The following CDC14A variants were observed in gnomAD, a reference collection of about 807,000 sequenced individuals.
CDC14A encodes the protein cell division cycle 14A, also known as dual specificity protein phosphatase CDC14A.
A neutral mutation model predicts 74.4 loss-of-function variants in CDC14A; 53 were observed. The observed-to-expected ratio is 0.71, with a 90% CI of 0.57 to 0.89. The LOEUF is 0.89. Ranked by LOEUF, CDC14A falls within the 40% of genes least tolerant of loss-of-function variation. CDC14A has a pLI of 0.00. For missense variants in CDC14A, 646 were observed against 713.7 expected (o/e 0.91, Z 1.08); for synonymous variants, 247 against 258.4 (o/e 0.96, Z 0.43).
Position 100,457,694 on chromosome 1 carries a change from G to A in CDC14A, c.607+2202G>A, listed in dbSNP as rs1666863751. Among the ~76,000 whole-genome samples, 3 of 149,902 alleles carry A rather than the reference G, an allele frequency of 2.0e-5. No homozygotes were observed. The South Asian group carries it at 6.4e-4, about 32-fold the overall frequency. ...ATGTTGCCCGGGCTGGTCTTGAACT[G>A]CTGGGCTCATGTGATCCTCCTGCCT... On this transcript the variant is annotated intron_variant, in intron 8 of 15. Coordinates refer to ENST00000336454, the MANE Select transcript of CDC14A (RefSeq NM_003672.4).
intron 4 of CDC14A, among the ~76,000 whole-genome samples, chr1:100,412,928 A>C (rs562593515): frequency 6.6e-6 from 1 of 150,582 alleles, no homozygotes; most frequent in Non-Finnish European, 1.5e-5. Context: ...ACATTTAAGA[A>C]CGATTAATTC....
chr1:100,351,481 A>T (rs1384887244), upstream of CDC14A, among the ~76,000 whole-genome samples: 2 of 152,228 alleles, frequency 1.3e-5, no homozygotes, highest in Non-Finnish European at 2.9e-5. Context: ...TTGTTCAAAC[A>T]GTACGTAGAG....
chr1:100,462,667 C>T lies in CDC14A; in HGVS notation c.624C>T (p.Ala208=), dbSNP rs1171530477. The change falls in exon 9 of 16, where the codon GCC becomes GCT. Residue 208 remains alanine, a synonymous_variant. Coordinates refer to ENST00000336454, the MANE Select transcript of CDC14A (RefSeq NM_003672.4). ...SKIENGYPLH[A]PEAYFPYFKK... The stretch of plus-strand genomic sequence containing the variant: ...TTCCTTTAGGTTATCCTCTTCACGC[C>T]CCTGAAGCCTACTTTCCTTATTTCA... The T allele has an allele frequency of 5.0e-6, 8 of 1,613,946 alleles. No individual in the cohort carries two copies.
At chr1:100,477,289 A>G (rs1225298033) in intron 10 of CDC14A, among the ~76,000 whole-genome samples, 1 of 152,154 alleles carries the variant, frequency 6.6e-6, no homozygotes, top group Non-Finnish European at 1.5e-5. Context: ...TATGTACAGC[A>G]GGAGATGCAG....
At chr1:100,391,755 G>A (rs1296942303) in intron 4 of CDC14A, among the ~76,000 whole-genome samples, 1 of 152,208 alleles carries the variant, frequency 6.6e-6, no homozygotes, top group Non-Finnish European at 1.5e-5. Context: ...AGGGGAAAAA[G>A]CCCAGCAGTA....
chr1:100,491,920 A>C, intron 11 of CDC14A, among the ~76,000 whole-genome samples: 1 of 142,924 alleles, frequency 7.0e-6, no homozygotes, highest in South Asian at 2.2e-4. Flanking sequence ...GGTCGTCACC[A>C]CCGCAGCCAC....
intron 2 of CDC14A, among the ~76,000 whole-genome samples, chr1:100,359,735 T>A (rs1340294232): frequency 1.3e-5 from 2 of 152,016 alleles, no homozygotes; most frequent in Non-Finnish European, 2.9e-5. Flanking sequence ...GATAACTGCT[T>A]TTGTAGGCTG....
chr1:100,436,511 G>C (rs1664360178), intron 5 of CDC14A, among the ~76,000 whole-genome samples: 1 of 151,742 alleles, frequency 6.6e-6, no homozygotes, highest in Non-Finnish European at 1.5e-5. Context: ...TGCAACCTCT[G>C]CCTCCCGGGT....
At position 100,437,228 on chromosome 1, in the gene CDC14A, T is replaced by G. The variant is rs866663766; in HGVS notation, c.390-2704T>G. 4.8e-4 allele frequency among the ~76,000 whole-genome samples: 73 copies of G among 152,152 alleles called. 1 individual carries two copies. Among genetic ancestry groups the G allele is most frequent in the African/African-American group, 1.6e-3 (67 of 41,426 alleles). ...CTTTTAGTGGGGTTCGGTAGATGCA[T>G]GGGTTCAATCTTCCATCTTTATCTT... On this transcript the variant is annotated intron_variant, in intron 5 of 15. Transcript: ENST00000336454.
At chr1:100,517,643 G>T in intron 15 of CDC14A, among the ~76,000 whole-genome samples, 1 of 152,136 alleles carries the variant, frequency 6.6e-6, no homozygotes, top group South Asian at 2.1e-4. Context: ...CTTGAAAATT[G>T]CCTATTGTTT....
chr1:100,459,653 T>C (rs111815186), intron 8 of CDC14A, among the ~76,000 whole-genome samples: 18 of 152,310 alleles, frequency 1.2e-4, no homozygotes, highest in African/African-American at 4.3e-4. Flanking sequence ...CGTGTTCATG[T>C]GTTTGGTCAG....
intron 15 of CDC14A, among the ~76,000 whole-genome samples, chr1:100,512,618 G>A (rs547284790): frequency 7.0e-4 from 106 of 152,150 alleles, no homozygotes; most frequent in Non-Finnish European, 1.3e-3. Flanking sequence ...TCTAACAATT[G>A]AGCTCTTTGT....
rs1034876948 is a variant in CDC14A at position 100,518,339 on chromosome 1, G to C, written c.*59G>C. The C allele has an allele frequency of 2.9e-6, 4 of 1,385,166 alleles. No individual in the cohort carries two copies. Among genetic ancestry groups the C allele is most frequent in the Non-Finnish European group, 4.1e-6 (4 of 973,666 alleles). The allele number at this position is 1,385,166 out of a possible 1,614,324, so 85.8% of individuals were successfully genotyped here. On this transcript the variant is annotated 3_prime_UTR_variant, in exon 16 of 16. Transcript: ENST00000336454. ...TTAGACACAATTTCTTCATCTGGAC[G>C]AGCAGTGGAGAGGGAAAGCAACTTC...
chr1:100,434,170 C>T (rs115190116), intron 5 of CDC14A, among the ~76,000 whole-genome samples: 3,009 of 152,228 alleles, frequency 0.02, 108 homozygotes, highest in African/African-American at 0.069. Context: ...ATTTTTATAA[C>T]CACTGTATAA....
intron 2 of CDC14A, among the ~76,000 whole-genome samples, chr1:100,372,160 A>G (rs1654568859): frequency 2.0e-5 from 3 of 152,386 alleles, no homozygotes; most frequent in Admixed American, 6.5e-5. Context: ...AAAAAATGCT[A>G]ATGATCATCT....
intron 4 of CDC14A, among the ~76,000 whole-genome samples, chr1:100,422,952 A>G (rs1662535727): frequency 6.6e-6 from 1 of 152,180 alleles, no homozygotes. Context: ...AGACTCTGCC[A>G]TTCTTGTCAT....
Position 100,412,716 on chromosome 1 carries a change from ATATATATTTT to A in CDC14A, c.310-11505_310-11496del, listed in dbSNP as rs1268177583. On this transcript the variant is annotated intron_variant, in intron 4 of 15. Coordinates refer to ENST00000336454, the MANE Select transcript of CDC14A (RefSeq NM_003672.4). ...ATGTTTTATATATATATATATATAT[ATATATATTTT>A]ATATATATATATTTTATATATATAT... Among the ~76,000 whole-genome samples the A allele has an allele frequency of 2.6e-4, 27 of 102,784 alleles. 3 individuals are homozygous for A. The highest frequency in any genetic ancestry group is 1.4e-3 in the African/African-American group (22 of 15,712). 67.4% of individuals were successfully genotyped at this position (102,784 alleles called of 152,430 possible). A position where few individuals can be genotyped will look rare whatever the true frequency, so the allele number is the denominator to read the frequency against.
At chr1:100,419,890 T>A (rs1557739902) in intron 4 of CDC14A, among the ~76,000 whole-genome samples, 1 of 151,140 alleles carries the variant, frequency 6.6e-6, no homozygotes, top group Non-Finnish European at 1.5e-5. Flanking sequence ...CAAATAAAAT[T>A]GAAGAATACT....
intron 5 of CDC14A, among the ~76,000 whole-genome samples, chr1:100,424,853 G>A (rs1662766578): frequency 6.6e-6 from 1 of 152,012 alleles, no homozygotes; most frequent in East Asian, 1.9e-4. Context: ...AAAAATTTGG[G>A]GTGAACTTGA....
Sources: gnomAD v4.1 joint callset for allele counts (sites outside exome capture counted in the v4.1 genomes callset) on GRCh38, gnomAD v4.1.1 for gene constraint, MANE v1.5 for transcripts, NCBI Gene and HGNC (gene_info 2026-07-23, HGNC 2026-07-21) for gene names.